DPP10: variants seen among roughly 807,000 people sequenced by gnomAD.
The protein encoded by DPP10 is dipeptidyl peptidase like 10, also known as inactive dipeptidyl peptidase 10.
Under a neutral mutation model 120.9 loss-of-function variants are expected in DPP10, and 33 were observed. The observed-to-expected ratio is 0.27, with a 90% CI of 0.21 to 0.37. DPP10 has a LOEUF of 0.37. Among genes scored for constraint, DPP10 ranks in the 10% least tolerant of loss-of-function variants. The pLI, the probability that DPP10 is intolerant of heterozygous loss-of-function variation, is 1.00. For synonymous variants in DPP10, 337 were observed against 326.1 expected (o/e 1.03, Z -0.36); for missense variants, 816 against 942.8 (o/e 0.87, Z 1.76).
rs565261488 is a variant in DPP10 at position 115,073,046 on chromosome 2, G to A, written c.61-236193G>A. The stretch of plus-strand genomic sequence containing the variant: ...GATCCACCCACTTCAGCCTCCCAAA[G>A]TGCTGGGATTACAGGCTTGAGCCAC... On this transcript the variant is annotated intron_variant, in intron 1 of 25. Transcript: ENST00000410059. Among the ~76,000 whole-genome samples, 98 of 152,310 alleles carry A rather than the reference G, an allele frequency of 6.4e-4. 1 individual carries two copies. Among genetic ancestry groups the A allele is most frequent in the African/African-American group, 2.2e-3 (91 of 41,590 alleles).
At chr2:114,450,264 A>G (rs1333399688) in intron 1 of DPP10, among the ~76,000 whole-genome samples, 1 of 152,126 alleles carries the variant, frequency 6.6e-6, no homozygotes, top group Non-Finnish European at 1.5e-5. Flanking sequence ...GAATTTTCTC[A>G]GTGAGAATTT....
At chr2:115,739,552 AC>A (rs1172873259) in intron 8 of DPP10, among the ~76,000 whole-genome samples, 186 bp from the exon 9 acceptor site, 1 of 151,996 alleles carries the variant, frequency 6.6e-6, no homozygotes, top group Non-Finnish European at 1.5e-5. Context: ...TCCTTCCTCT[AC>A]AGCTGCTTGC....
Position 115,798,853 on chromosome 2 carries a change from C to T in DPP10, c.1700+7497C>T, listed in dbSNP as rs115546099. On this transcript the variant is annotated intron_variant, in intron 19 of 25. Transcript: ENST00000410059. ...CTCTTGGAGGGCATTCTCTTATAGC[C>T]GTTTTTTCTCATTTTTAGCATGCCA... Among the ~76,000 whole-genome samples, 581 of 152,030 alleles carry T rather than the reference C, an allele frequency of 3.8e-3. 2 individuals carry two copies. Among genetic ancestry groups the T allele is most frequent in the Non-Finnish European group, 6.3e-3 (426 of 67,958 alleles).
At chr2:114,669,646 T>C (rs1357731098) in intron 1 of DPP10, among the ~76,000 whole-genome samples, 1 of 152,100 alleles carries the variant, frequency 6.6e-6, no homozygotes, top group African/African-American at 2.4e-5. Flanking sequence ...AACAAATCAG[T>C]TCTATTACCT....
chr2:115,756,854 C>T (rs1274169339), intron 11 of DPP10, among the ~76,000 whole-genome samples: 1 of 151,950 alleles, frequency 6.6e-6, no homozygotes, highest in Non-Finnish European at 1.5e-5. Context: ...GCTGCATCAT[C>T]CCATGACAGA....
At chr2:115,237,327 A>T (rs1415631015) in intron 1 of DPP10, among the ~76,000 whole-genome samples, 1 of 152,122 alleles carries the variant, frequency 6.6e-6, no homozygotes, top group Non-Finnish European at 1.5e-5. Context: ...GCCATGAACC[A>T]TGTCAGTATA....
intron 1 of DPP10, among the ~76,000 whole-genome samples, chr2:115,208,699 T>C (rs1159837365): frequency 7.2e-5 from 11 of 152,076 alleles, no homozygotes; most frequent in Admixed American, 5.9e-4. Context: ...GAGGCTGTTA[T>C]GGTGTTGGAG....
intron 5 of DPP10, among the ~76,000 whole-genome samples, chr2:115,671,734 C>T (rs377016673): frequency 1.2e-3 from 187 of 152,102 alleles, no homozygotes; most frequent in African/African-American, 4.0e-3. Flanking sequence ...TCTTCTAAAC[C>T]GATGCCTACA....
chr2:115,160,712 A>G lies in DPP10; in HGVS notation c.61-148527A>G, dbSNP rs927051339. On this transcript the variant is annotated intron_variant, in intron 1 of 25. Coordinates refer to ENST00000410059, the MANE Select transcript of DPP10 (RefSeq NM_020868.6). ...AGGCGCCCTAGGGAAAGCCACGTGC[A>G]CTAGTGCATCTGGATGAACTGTGGA... Among the ~76,000 whole-genome samples the G allele has an allele frequency of 3.0e-4, 46 of 152,190 alleles. 1 individual carries two copies. Among genetic ancestry groups the G allele is most frequent in the African/African-American group, 1.1e-3 (45 of 41,448 alleles).
chr2:114,592,634 C>A, intron 1 of DPP10, among the ~76,000 whole-genome samples: 1 of 151,112 alleles, frequency 6.6e-6, no homozygotes, highest in Non-Finnish European at 1.5e-5. Flanking sequence ...AGGAAAATAG[C>A]AACAAAACAA....
At chr2:115,066,597 T>C (rs1391012402) in intron 1 of DPP10, 2 of 152,140 alleles carry the variant, frequency 1.3e-5, no homozygotes, top group African/African-American at 2.4e-5. Flanking sequence ...GAATAACATA[T>C]GGCACTAACC....
intron 5 of DPP10, among the ~76,000 whole-genome samples, chr2:115,660,655 C>CTTTTTTTTTTTTTTTTTTTTTTT: frequency 7.1e-4 from 18 of 25,314 alleles, no homozygotes; most frequent in Admixed American, 1.7e-3. Context: ...CTCTGTCTGG[C>CTTTTTTTTTTTTTTTTTTTTTTT]TTTTTTTTTT....
At chr2:114,833,078 G>A (rs1282284938) in intron 1 of DPP10, among the ~76,000 whole-genome samples, 1 of 151,958 alleles carries the variant, frequency 6.6e-6, no homozygotes, top group Non-Finnish European at 1.5e-5. Flanking sequence ...TTTTAGACTT[G>A]TGGATTAAAA....
chr2:114,455,156 T>TTGTGTGTGTG (rs141717813), intron 1 of DPP10, among the ~76,000 whole-genome samples: 2,143 of 147,460 alleles, frequency 0.015, 46 homozygotes, highest in African/African-American at 0.05. Context: ...TTTCTTTCTA[T>TTGTGTGTGTG]TGTGTGTGTG....
Position 114,926,028 on chromosome 2 carries a change from G to A in DPP10, c.61-383211G>A, listed in dbSNP as rs1695594950. On this transcript the variant is annotated intron_variant, in intron 1 of 25. Coordinates refer to ENST00000410059, the MANE Select transcript of DPP10 (RefSeq NM_020868.6). ...TGATGGGAAGTCTGGCATTGAAATA[G>A]ACAATTGCAACATTGTAACGTGTGT... 2.0e-5 allele frequency among the ~76,000 whole-genome samples: 3 copies of A among 152,264 alleles called. No homozygotes were observed. In the South Asian group the frequency reaches 6.2e-4, roughly 32 times the overall value.
chr2:114,747,433 T>C (rs892799061), intron 1 of DPP10, among the ~76,000 whole-genome samples: 15 of 152,308 alleles, frequency 9.8e-5, no homozygotes, highest in African/African-American at 3.4e-4. Flanking sequence ...TCACCTCCAA[T>C]GTACATTTTC....
At chr2:115,675,782 G>A (rs185350959) in intron 5 of DPP10, among the ~76,000 whole-genome samples, 10 of 152,266 alleles carry the variant, frequency 6.6e-5, no homozygotes, top group East Asian at 3.9e-4. Context: ...ACCTTCACTC[G>A]TTGGGACCCA....
chr2:114,719,279 A>G (rs1053831884), intron 1 of DPP10, among the ~76,000 whole-genome samples: 1 of 151,934 alleles, frequency 6.6e-6, no homozygotes, highest in African/African-American at 2.4e-5. Context: ...TTCCTTCTTC[A>G]TTTTTCCTCA....
intron 3 of DPP10, among the ~76,000 whole-genome samples, chr2:115,448,497 G>A (rs1219334906): frequency 6.6e-6 from 1 of 152,026 alleles, no homozygotes; most frequent in African/African-American, 2.4e-5. Flanking sequence ...TAGTATGGGA[G>A]AAAAATAATT....
Sources: gnomAD v4.1 joint callset for allele counts (sites outside exome capture counted in the v4.1 genomes callset) on GRCh38, gnomAD v4.1.1 for gene constraint, MANE v1.5 for transcripts, NCBI Gene and HGNC (gene_info 2026-07-23, HGNC 2026-07-21) for gene names.